NAALADL2: variants seen among roughly 807,000 people sequenced by gnomAD.
NAALADL2 encodes the protein inactive N-acetylated-alpha-linked acidic dipeptidase-like protein 2.
A neutral mutation model predicts 87.2 loss-of-function variants in NAALADL2; 76 were observed. The ratio of observed to expected loss-of-function variants is 0.87; its 90% CI spans 0.72 to 1.05. The LOEUF (loss-of-function observed/expected upper bound fraction) is 1.05. Ranked by LOEUF, NAALADL2 falls within the 50% of genes least tolerant of loss-of-function variation. NAALADL2 has a pLI of 0.00. For synonymous variants in NAALADL2, 354 were observed against 331.0 expected (o/e 1.07, Z -0.75); for missense variants, 1,089 against 945.8 (o/e 1.15, Z -1.99).
chr3:175,173,632 A>T (rs552299898), intron 2 of NAALADL2, among the ~76,000 whole-genome samples: 1 of 152,230 alleles, frequency 6.6e-6, no homozygotes, highest in African/African-American at 2.4e-5. Flanking sequence ...TGGGCCATCT[A>T]CTGGTGTCCT....
At chr3:174,945,687 G>T (rs1266386129) in intron 1 of NAALADL2, among the ~76,000 whole-genome samples, 1 of 152,120 alleles carries the variant, frequency 6.6e-6, no homozygotes, top group Non-Finnish European at 1.5e-5. Context: ...AGAATTTGTG[G>T]CCTAGAAATC....
chr3:175,519,889 G>A (rs1412144253), intron 9 of NAALADL2, among the ~76,000 whole-genome samples: 1 of 152,054 alleles, frequency 6.6e-6, no homozygotes, highest in Non-Finnish European at 1.5e-5. Context: ...ATTTCACTAG[G>A]ATACGCAATT....
At chr3:175,563,339 C>G (rs1179580285) in intron 9 of NAALADL2, among the ~76,000 whole-genome samples, 1 of 152,172 alleles carries the variant, frequency 6.6e-6, no homozygotes, top group Non-Finnish European at 1.5e-5. Flanking sequence ...TGACTTCCTA[C>G]AGATGCCTAA....
chr3:174,511,324 A>G (rs945029496), intron 1 of NAALADL2, among the ~76,000 whole-genome samples: 7 of 151,922 alleles, frequency 4.6e-5, no homozygotes, highest in African/African-American at 1.7e-4. Context: ...CTTTTATTTC[A>G]TGTATTTTAA....
chr3:175,541,145 G>A (rs968667071), intron 9 of NAALADL2, among the ~76,000 whole-genome samples: 4 of 152,128 alleles, frequency 2.6e-5, no homozygotes, highest in South Asian at 2.1e-4. Flanking sequence ...GATATCTTTC[G>A]AATCCTTCAA....
intron 3 of NAALADL2, among the ~76,000 whole-genome samples, chr3:174,809,955 C>T (rs1342495881): frequency 6.6e-6 from 1 of 152,042 alleles, no homozygotes; most frequent in Admixed American, 6.6e-5. Context: ...GTGGCACCTC[C>T]CCCCTCTCTT....
chr3:174,901,665 A>G (rs2108259584), intron 1 of NAALADL2, among the ~76,000 whole-genome samples: 1 of 152,248 alleles, frequency 6.6e-6, no homozygotes, highest in Non-Finnish European at 1.5e-5. Context: ...TGCAAAATCC[A>G]AGGACTTGCT....
intron 12 of NAALADL2, among the ~76,000 whole-genome samples, chr3:175,742,315 A>G (rs1745331700): frequency 6.6e-6 from 1 of 152,194 alleles, no homozygotes; most frequent in African/African-American, 2.4e-5. Flanking sequence ...AGTGATTTGA[A>G]GGTCCCGAGA....
intron 5 of NAALADL2, among the ~76,000 whole-genome samples, chr3:175,438,591 T>G (rs2149191921): frequency 6.6e-6 from 1 of 152,218 alleles, no homozygotes; most frequent in African/African-American, 2.4e-5. Flanking sequence ...GCTCTGATTG[T>G]TTGGTTCTCT....
chr3:175,658,733 A>G (rs1366009789), intron 11 of NAALADL2, among the ~76,000 whole-genome samples: 1 of 152,224 alleles, frequency 6.6e-6, no homozygotes, highest in Non-Finnish European at 1.5e-5. Flanking sequence ...ATATCCAAAC[A>G]ATCTTAATTT....
intron 1 of NAALADL2, among the ~76,000 whole-genome samples, chr3:175,078,507 C>T (rs1717084342): frequency 6.6e-6 from 1 of 152,136 alleles, no homozygotes; most frequent in Non-Finnish European, 1.5e-5. Context: ...AAAACCATCA[C>T]CATGATCCAA....
At chr3:175,107,256 G>C (rs1723323684) in intron 2 of NAALADL2, among the ~76,000 whole-genome samples, 1 of 151,956 alleles carries the variant, frequency 6.6e-6, no homozygotes, top group South Asian at 2.1e-4. Context: ...TTGGAATAAA[G>C]CTGATTACCA....
chr3:174,694,209 C>T (rs1173378743), intron 2 of NAALADL2, among the ~76,000 whole-genome samples: 3 of 152,018 alleles, frequency 2.0e-5, no homozygotes, highest in Admixed American at 2.0e-4. Context: ...GAATTAGAGA[C>T]CTAACTCCAA....
intron 1 of NAALADL2, among the ~76,000 whole-genome samples, chr3:174,897,225 A>T (rs889187125): frequency 6.6e-6 from 1 of 152,206 alleles, no homozygotes; most frequent in Non-Finnish European, 1.5e-5. Context: ...CTAAGTGAAG[A>T]GACAACCCAT....
chr3:174,919,120 T>C (rs1198592098), intron 1 of NAALADL2, among the ~76,000 whole-genome samples: 1 of 152,176 alleles, frequency 6.6e-6, no homozygotes, highest in Non-Finnish European at 1.5e-5. Flanking sequence ...CAAGTTGTAA[T>C]ATTTTTGCAG....
chr3:174,573,996 C>T (rs896184047), intron 2 of NAALADL2, among the ~76,000 whole-genome samples: 2 of 152,094 alleles, frequency 1.3e-5, no homozygotes, highest in Non-Finnish European at 2.9e-5. Flanking sequence ...GCAAGCTGGC[C>T]CCACTAGACT....
At chr3:175,011,433 G>A (rs1249073803) in intron 1 of NAALADL2, among the ~76,000 whole-genome samples, 1 of 152,150 alleles carries the variant, frequency 6.6e-6, no homozygotes, top group Non-Finnish European at 1.5e-5. Flanking sequence ...CAGAGTCTCA[G>A]CAACTTTCTT....
At chr3:174,828,181 C>G (rs1447020978) in intron 3 of NAALADL2, among the ~76,000 whole-genome samples, 1 of 152,094 alleles carries the variant, frequency 6.6e-6, no homozygotes, top group African/African-American at 2.4e-5. Flanking sequence ...CAACACAACA[C>G]AACACAACAC....
At chr3:175,251,607 T>C (rs902870640) in intron 3 of NAALADL2, among the ~76,000 whole-genome samples, 4 of 152,190 alleles carry the variant, frequency 2.6e-5, no homozygotes, top group Non-Finnish European at 5.9e-5. Context: ...AGTTTTCTAG[T>C]GTGACAGAAT....
Sources: gnomAD v4.1 joint callset for allele counts (sites outside exome capture counted in the v4.1 genomes callset) on GRCh38, gnomAD v4.1.1 for gene constraint, MANE v1.5 for transcripts, NCBI Gene and HGNC (gene_info 2026-07-23, HGNC 2026-07-21) for gene names.